Variants in FANCM observed in about 807,000 individuals in gnomAD.
FANCM encodes Fanconi anemia group M protein.
A neutral mutation model predicts 199.5 loss-of-function variants in FANCM; 140 were observed. The observed-to-expected ratio is 0.70, with a 90% CI of 0.61 to 0.81. FANCM has a LOEUF of 0.81. Ranked by LOEUF, FANCM falls within the 30% of genes least tolerant of loss-of-function variation. The pLI is 0.00. For synonymous variants in FANCM, 840 were observed against 836.8 expected, an observed-to-expected ratio of 1.00 and a Z score of -0.07; for missense variants, 2,410 against 2,421.4, an observed-to-expected ratio of 1.00 and a Z score of 0.10.
intron 20 of FANCM, among the ~76,000 whole-genome samples, chr14:45,193,561 G>A (rs186156252): frequency 8.4e-4 from 128 of 152,218 alleles, no homozygotes; most frequent in African/African-American, 3.0e-3. Flanking sequence ...GCTAACTTTC[G>A]TTAATGATAT....
intron 2 of FANCM, 34 bp downstream of exon 2, chr14:45,137,275 A>G (rs761256058): frequency 6.3e-7 from 1 of 1,577,568 alleles, no homozygotes; most frequent in Admixed American, 1.7e-5. Flanking sequence ...TTTGTATTGT[A>G]ACTGTACTGT....
At position 45,196,360 on chromosome 14, in the gene FANCM, GC is replaced by G. The variant is rs778451008; in HGVS notation, c.5530del (p.Gln1844LysfsTer2). On this transcript the variant is annotated frameshift_variant, in exon 21 of 23. Transcript: ENST00000267430. LOFTEE classifies it high-confidence loss of function. ...ISSLRAIHGL[Q>X]VEVCPLNGCD... ...CTTCCCTAAGAGCAATTCATGGGTT[GC>G]AAGTAGAAGTTTGTCCTCTTAATGG... The G allele has an allele frequency of 1.9e-6, 3 of 1,614,000 alleles. No homozygotes were observed. The African/African-American group carries it at 4.0e-5, about 22-fold the overall frequency.
Position 45,163,278 on chromosome 14 carries a change from G to A in FANCM, c.1582-1081G>A, listed in dbSNP as rs192042837. Among the ~76,000 whole-genome samples, 233 of 152,286 alleles carry A rather than the reference G, an allele frequency of 1.5e-3. 1 individual carries two copies. The highest frequency in any genetic ancestry group is 0.014 in the Middle Eastern group (4 of 294). Reference sequence around the variant, plus strand: ...ATGATAATATCTACCTCATAGGGTCGTTGGCAGTAGAAACTAATATATAAA... The same window carrying A: ...ATGATAATATCTACCTCATAGGGTCATTGGCAGTAGAAACTAATATATAAA... On this transcript the variant is annotated intron_variant, in intron 9 of 22. Coordinates refer to ENST00000267430, the MANE Select transcript of FANCM (RefSeq NM_020937.4).
At chr14:45,140,897 AG>A (rs2139119150) in intron 3 of FANCM, among the ~76,000 whole-genome samples, 188 bp downstream of exon 3, 2 of 152,122 alleles carry the variant, frequency 1.3e-5, no homozygotes, top group South Asian at 4.1e-4. Context: ...AAAAATAGTG[AG>A]CATGGTGGCA....
intron 16 of FANCM, 36 bp from the exon 17 acceptor site, chr14:45,183,735 ATTT>A: frequency 6.6e-7 from 1 of 1,506,378 alleles, no homozygotes. Flanking sequence ...GGAAGAAAAT[ATTT>A]TTTTCTTATG....
chr14:45,198,006 A>G (rs1890162770), intron 21 of FANCM, among the ~76,000 whole-genome samples: 1 of 150,878 alleles, frequency 6.6e-6, no homozygotes, highest in South Asian at 2.1e-4. Context: ...TGACCTCGTT[A>G]TCTTCCTGCC....
At chr14:45,163,429 C>T (rs1887745093) in intron 9 of FANCM, among the ~76,000 whole-genome samples, 1 of 152,192 alleles carries the variant, frequency 6.6e-6, no homozygotes. Flanking sequence ...CTCCACTGTA[C>T]ACAAACTCAC....
chr14:45,196,297 A>G lies in FANCM; in HGVS notation c.5466A>G (p.Val1822=), dbSNP rs990911529. The change falls in exon 21 of 23, where the codon GTA becomes GTG. Residue 1822 remains valine, a synonymous_variant. Transcript: ENST00000267430. ...PQEGKGTCIL[V]GGHEITSGLE... is the part of the protein sequence containing the mutation. ...AAGGAAAAGGAACCTGTATTCTTGT[A>G]GGTGGTCATGAAATCACTTCTGGAT... 7 of 1,614,136 alleles carry G rather than the reference A, an allele frequency of 4.3e-6. No homozygotes were observed. Among genetic ancestry groups the G allele is most frequent in the Non-Finnish European group, 5.1e-6 (6 of 1,180,002 alleles).
Position 45,176,442 on chromosome 14 carries a change from G to GT in FANCM, c.3690dup (p.Thr1231TyrfsTer3). 6.2e-7 allele frequency: 1 copy of GT among 1,612,930 alleles called. No homozygotes were observed. The highest frequency in any genetic ancestry group is 8.5e-7 in the Non-Finnish European group (1 of 1,179,806). ...TGATTGCTCTAGGGATTTATTTTCT[G>GT]TTACCTTTGATTTAGGATTCTGTAG... On this transcript the variant is annotated frameshift_variant, in exon 14 of 23. Transcript: ENST00000267430. LOFTEE classifies it high-confidence loss of function.
At chr14:45,149,687 A>T (rs1471505017) in intron 4 of FANCM, among the ~76,000 whole-genome samples, 1 of 152,030 alleles carries the variant, frequency 6.6e-6, no homozygotes, top group Non-Finnish European at 1.5e-5. Context: ...GTTTCTTTGT[A>T]TTGAAATATA....
chr14:45,140,294 C>T (rs1024564103), intron 2 of FANCM, among the ~76,000 whole-genome samples: 2 of 152,060 alleles, frequency 1.3e-5, no homozygotes, highest in African/African-American at 4.8e-5. Context: ...AACTCTTGAG[C>T]TAAAGTGAAC....
chr14:45,147,993 C>T (rs1167843653), intron 3 of FANCM, among the ~76,000 whole-genome samples: 3 of 150,530 alleles, frequency 2.0e-5, no homozygotes, highest in Non-Finnish European at 4.4e-5. Flanking sequence ...GTCAGGAGTT[C>T]GAGACCAGCC....
At chr14:45,137,460 T>C in intron 2 of FANCM, 1 of 550,676 alleles carries the variant, frequency 1.8e-6, no homozygotes, top group Non-Finnish European at 3.2e-6. Context: ...GTTTTCTTTT[T>C]CTTTTCTTCT....
At chr14:45,160,696 C>A (rs1887541126) in intron 9 of FANCM, among the ~76,000 whole-genome samples, 1 of 152,104 alleles carries the variant, frequency 6.6e-6, no homozygotes, top group Non-Finnish European at 1.5e-5. Context: ...AGGTGCCCAC[C>A]ACGCCCAGCT....
intron 3 of FANCM, among the ~76,000 whole-genome samples, chr14:45,145,148 G>A (rs972173513): frequency 6.6e-6 from 1 of 151,664 alleles, no homozygotes; most frequent in South Asian, 2.1e-4. Context: ...GGTCAGGAAC[G>A]GAGACCTCAT....
chr14:45,141,815 C>T (rs1885985944), intron 3 of FANCM, among the ~76,000 whole-genome samples: 3 of 151,930 alleles, frequency 2.0e-5, no homozygotes, highest in Admixed American at 2.0e-4. Context: ...TCTCCAACTC[C>T]TGACCTCAGG....
At chr14:45,138,639 T>TC (rs1337727300) in intron 2 of FANCM, among the ~76,000 whole-genome samples, 5 of 152,132 alleles carry the variant, frequency 3.3e-5, no homozygotes. Flanking sequence ...ACTTAAAAAT[T>TC]TTTTAAAATT....
chr14:45,198,032 G>A (rs2139325925), intron 21 of FANCM, among the ~76,000 whole-genome samples: 1 of 152,122 alleles, frequency 6.6e-6, no homozygotes, highest in South Asian at 2.1e-4. Flanking sequence ...CTCCCAAAGT[G>A]CTGGGATTAC....
chr14:45,151,371 A>C (rs1886803547), intron 4 of FANCM, 26 bp from the exon 5 acceptor site: 13 of 1,607,842 alleles, frequency 8.1e-6, no homozygotes, highest in African/African-American at 1.3e-5. Context: ...GAGCAAGCTT[A>C]AACTAGATTG....
Sources: gnomAD v4.1 joint callset for allele counts (sites outside exome capture counted in the v4.1 genomes callset) on GRCh38, gnomAD v4.1.1 for gene constraint, MANE v1.5 for transcripts, NCBI Gene and HGNC (gene_info 2026-07-23, HGNC 2026-07-21) for gene names.